B3GALT1: variants seen among roughly 807,000 people sequenced by gnomAD.
The protein encoded by B3GALT1 is beta-1,3-galactosyltransferase 1.
Under a neutral mutation model 23.2 loss-of-function variants are expected in B3GALT1, and 10 were observed. The observed-to-expected ratio is 0.43, with a 90% CI of 0.27 to 0.73. B3GALT1 has a LOEUF of 0.73. B3GALT1 is among the 30% of genes least tolerant of loss of function. The pLI is 0.21. For synonymous variants in B3GALT1, 156 were observed against 141.5 expected, an observed-to-expected ratio of 1.10 and a Z score of -0.73; for missense variants, 299 against 405.4, an observed-to-expected ratio of 0.74 and a Z score of 2.25.
intron 1 of B3GALT1, among the ~76,000 whole-genome samples, chr2:167,481,646 A>G (rs573418733): frequency 1.3e-5 from 2 of 152,338 alleles, no homozygotes; most frequent in African/African-American, 4.8e-5. Context: ...AATGATGGTC[A>G]TGTCCCTAAT....
At chr2:167,651,066 A>T (rs959063555) in intron 3 of B3GALT1, among the ~76,000 whole-genome samples, 3 of 152,044 alleles carry the variant, frequency 2.0e-5, no homozygotes, top group African/African-American at 7.2e-5. Flanking sequence ...TTCTATAAAG[A>T]TAAATTGTCC....
intron 2 of B3GALT1, among the ~76,000 whole-genome samples, chr2:167,555,660 G>A (rs1336772741): frequency 6.6e-6 from 1 of 152,162 alleles, no homozygotes; most frequent in Non-Finnish European, 1.5e-5. Context: ...GAGTGATATT[G>A]CCAAATCTAT....
At chr2:167,863,928 G>A (rs1030309871) in intron 4 of B3GALT1, among the ~76,000 whole-genome samples, 19 of 151,572 alleles carry the variant, frequency 1.3e-4, no homozygotes, top group Admixed American at 4.6e-4. Context: ...TTGTTCTCAC[G>A]TCTGAAGACA....
intron 1 of B3GALT1, among the ~76,000 whole-genome samples, chr2:167,325,040 A>G (rs756652877): frequency 1.5e-4 from 23 of 152,112 alleles, no homozygotes; most frequent in Non-Finnish European, 2.2e-4. Context: ...TGTTGCTGCA[A>G]ATGACACGAT....
At chr2:167,307,476 G>A (rs1156673255) in intron 1 of B3GALT1, among the ~76,000 whole-genome samples, 1 of 151,940 alleles carries the variant, frequency 6.6e-6, no homozygotes, top group Non-Finnish European at 1.5e-5. Context: ...CCTGTCAAGT[G>A]AAATGATTTT....
intron 3 of B3GALT1, among the ~76,000 whole-genome samples, chr2:167,717,568 G>C (rs1687171586): frequency 6.6e-6 from 1 of 150,444 alleles, no homozygotes; most frequent in Admixed American, 6.6e-5. Flanking sequence ...ATCTTTTTTT[G>C]GTTGCAACAT....
At chr2:167,453,073 C>G (rs114147322) in intron 1 of B3GALT1, among the ~76,000 whole-genome samples, 58 of 152,290 alleles carry the variant, frequency 3.8e-4, no homozygotes, top group African/African-American at 1.3e-3. Flanking sequence ...AGCACATTCT[C>G]AATCCTGAAG....
intron 2 of B3GALT1, among the ~76,000 whole-genome samples, chr2:167,627,064 T>G (rs148555420): frequency 6.6e-6 from 1 of 151,820 alleles, no homozygotes; most frequent in African/African-American, 2.4e-5. Context: ...TCATTTTATT[T>G]CCAGTGCCCA....
intron 1 of B3GALT1, among the ~76,000 whole-genome samples, chr2:167,395,816 T>A (rs145712028): frequency 2.0e-4 from 31 of 152,136 alleles, no homozygotes; most frequent in African/African-American, 6.5e-4. Flanking sequence ...AATAAAACTC[T>A]TTGTAATGGG....
At chr2:167,332,472 C>T (rs1422571979) in intron 1 of B3GALT1, among the ~76,000 whole-genome samples, 2 of 152,160 alleles carry the variant, frequency 1.3e-5, no homozygotes, top group Non-Finnish European at 2.9e-5. Flanking sequence ...TGACAGTGCA[C>T]ACAAACATAT....
At chr2:167,477,693 G>C (rs1038825361) in intron 1 of B3GALT1, among the ~76,000 whole-genome samples, 2 of 152,160 alleles carry the variant, frequency 1.3e-5, no homozygotes, top group Admixed American at 1.3e-4. Context: ...CTACTGCAGA[G>C]AAACTATTAG....
intron 1 of B3GALT1, among the ~76,000 whole-genome samples, chr2:167,469,602 A>G (rs756902787): frequency 2.6e-5 from 4 of 152,214 alleles, no homozygotes; most frequent in Non-Finnish European, 2.9e-5. Context: ...TGCATCTTAA[A>G]TCACTAGTAA....
chr2:167,643,497 T>A (rs1685691184), intron 2 of B3GALT1, among the ~76,000 whole-genome samples: 1 of 152,064 alleles, frequency 6.6e-6, no homozygotes, highest in African/African-American at 2.4e-5. Flanking sequence ...ACCAAAGTAG[T>A]CTATGAAGAA....
intron 1 of B3GALT1, among the ~76,000 whole-genome samples, chr2:167,355,521 TCTTA>T (rs144545908): frequency 1.9e-3 from 296 of 152,272 alleles, no homozygotes; most frequent in Non-Finnish European, 2.1e-3. Flanking sequence ...AGAAATACAG[TCTTA>T]CTTTTAAGGA....
At chr2:167,335,409 T>G (rs953317015) in intron 1 of B3GALT1, among the ~76,000 whole-genome samples, 5 of 152,150 alleles carry the variant, frequency 3.3e-5, no homozygotes, top group African/African-American at 1.2e-4. Context: ...TTCCATAAAG[T>G]AAAAACAAGT....
intron 3 of B3GALT1, chr2:167,713,900 G>A (rs1168840998): frequency 3.2e-6 from 5 of 1,581,070 alleles, no homozygotes; most frequent in Non-Finnish European, 4.3e-6. Context: ...GGTTCCTGGA[G>A]GAGGTTGGGG....
chr2:167,723,799 G>A (rs1157543376), intron 3 of B3GALT1, among the ~76,000 whole-genome samples: 2 of 152,016 alleles, frequency 1.3e-5, no homozygotes, highest in Non-Finnish European at 2.9e-5. Context: ...CCAAATTGCT[G>A]GGATTACAGG....
intron 3 of B3GALT1, among the ~76,000 whole-genome samples, chr2:167,805,338 C>G (rs1223588245): frequency 6.6e-6 from 1 of 152,060 alleles, no homozygotes; most frequent in East Asian, 1.9e-4. Context: ...TTAATTAGAT[C>G]CCATTTGTCA....
intron 1 of B3GALT1, among the ~76,000 whole-genome samples, chr2:167,352,214 A>G (rs561639184): frequency 5.8e-5 from 8 of 138,168 alleles, no homozygotes; most frequent in African/African-American, 2.2e-4. Context: ...TGATCCGCCC[A>G]CCTCGACCTC....
Sources: gnomAD v4.1 joint callset for allele counts (sites outside exome capture counted in the v4.1 genomes callset) on GRCh38, gnomAD v4.1.1 for gene constraint, MANE v1.5 for transcripts, NCBI Gene and HGNC (gene_info 2026-07-23, HGNC 2026-07-21) for gene names.